Variants in PHF21B observed in about 807,000 individuals in gnomAD.
The protein encoded by PHF21B is PHD finger protein 4.
In PHF21B, 22 loss-of-function variants were observed where a neutral mutation model predicts 62.2. The observed-to-expected ratio is 0.35, with a 90% CI of 0.25 to 0.51. The LOEUF (loss-of-function observed/expected upper bound fraction) is 0.51. PHF21B is among the 20% of genes least tolerant of loss of function. The probability of loss-of-function intolerance (pLI) is 0.97; values close to 1 mark genes in which losing one functional copy is unlikely to be tolerated. For missense variants in PHF21B, 701 were observed against 707.9 expected, an observed-to-expected ratio of 0.99 and a Z score of 0.11; for synonymous variants, 341 against 314.7, an observed-to-expected ratio of 1.08 and a Z score of -0.88.
At chr22:44,888,441 G>A (rs1267982503) in intron 9 of PHF21B, among the ~76,000 whole-genome samples, 3 of 152,104 alleles carry the variant, frequency 2.0e-5, no homozygotes, top group East Asian at 1.9e-4. Flanking sequence ...AGGTGCGGGC[G>A]ACAAGGCAGG....
intron 6 of PHF21B, among the ~76,000 whole-genome samples, chr22:44,894,231 A>T (rs1326571191): frequency 1.3e-5 from 2 of 152,252 alleles, no homozygotes; most frequent in African/African-American, 2.4e-5. Context: ...AAAGAAAGAA[A>T]GAATTAAGGA....
At chr22:44,959,458 C>T (rs2072373238) in intron 2 of PHF21B, among the ~76,000 whole-genome samples, 1 of 152,192 alleles carries the variant, frequency 6.6e-6, no homozygotes, top group African/African-American at 2.4e-5. Context: ...ACAGTAGACA[C>T]CAGTTCTAGC....
chr22:44,950,890 GCCGGTGGACTTAC>G lies in PHF21B; in HGVS notation c.121-30413_121-30401del, dbSNP rs139205506. On this transcript the variant is annotated intron_variant, in intron 2 of 12. Coordinates refer to ENST00000313237, the MANE Select transcript of PHF21B (RefSeq NM_138415.5). ...TTCTTACTCATTCTGGCTAGGGTTA[GCCGGTGGACTTAC>G]CCAAACTGTGACTGAGACACGTGCT... 0.017 allele frequency among the ~76,000 whole-genome samples: 2,553 copies of G among 152,188 alleles called. 366 individuals are homozygous for G. In the East Asian group the frequency reaches 0.35, roughly 21 times the overall value.
chr22:44,915,020 G>T (rs2071409184), intron 4 of PHF21B, among the ~76,000 whole-genome samples: 2 of 152,034 alleles, frequency 1.3e-5, no homozygotes, highest in East Asian at 1.9e-4. Flanking sequence ...GTGTTTTTTT[G>T]GTTTGTTTTT....
At chr22:44,999,538 G>GAAA (rs2073176124) in intron 2 of PHF21B, among the ~76,000 whole-genome samples, 1 of 152,278 alleles carries the variant, frequency 6.6e-6, no homozygotes, top group South Asian at 2.1e-4. Context: ...CGGAGCAAAA[G>GAAA]TACTGCTCGC....
chr22:44,895,986 C>T (rs369683994), intron 6 of PHF21B, 46 bp downstream of exon 6: 23 of 1,608,896 alleles, frequency 1.4e-5, no homozygotes, highest in East Asian at 1.3e-4. Flanking sequence ...CCCCGGCTTT[C>T]GGGTCAGTCC....
At chr22:44,891,038 C>A (rs976629488) in intron 8 of PHF21B, among the ~76,000 whole-genome samples, 1 of 152,336 alleles carries the variant, frequency 6.6e-6, no homozygotes, top group East Asian at 1.9e-4. Flanking sequence ...GGCTGGGTCA[C>A]ACCTGCAGAG....
chr22:44,975,349 G>C (rs1305645399), intron 2 of PHF21B, among the ~76,000 whole-genome samples: 4 of 152,142 alleles, frequency 2.6e-5, no homozygotes, highest in Admixed American at 1.3e-4. Context: ...TCCGGAGCAG[G>C]AAGCGCCTTT....
At chr22:44,916,777 T>A in intron 3 of PHF21B, 147 bp from the exon 4 acceptor site, 1 of 778,270 alleles carries the variant, frequency 1.3e-6, no homozygotes, top group Non-Finnish European at 2.1e-6. Flanking sequence ...TCACAGCAGG[T>A]GAGACCTCGA....
At chr22:44,918,272 G>A (rs1029902178) in intron 3 of PHF21B, among the ~76,000 whole-genome samples, 1 of 152,242 alleles carries the variant, frequency 6.6e-6, no homozygotes, top group South Asian at 2.1e-4. Context: ...TGGCCGTTCC[G>A]TGTTCTGGTC....
intron 2 of PHF21B, chr22:44,971,314 G>A (rs980462339): frequency 3.3e-5 from 5 of 152,094 alleles, no homozygotes; most frequent in Admixed American, 2.0e-4. Flanking sequence ...GGTTTTCTCC[G>A]TCCTCCCTTG....
chr22:44,994,612 G>C (rs983127573), intron 2 of PHF21B, among the ~76,000 whole-genome samples: 1 of 152,220 alleles, frequency 6.6e-6, no homozygotes, highest in South Asian at 2.1e-4. Context: ...TCACACAGCA[G>C]AGAAGAAAGC....
intron 2 of PHF21B, among the ~76,000 whole-genome samples, chr22:44,987,040 C>T (rs2147494677): frequency 6.6e-6 from 1 of 152,336 alleles, no homozygotes; most frequent in Non-Finnish European, 1.5e-5. Flanking sequence ...ACATTAGAAA[C>T]TTCTGCCATT....
chr22:44,956,527 C>A (rs969405444), intron 2 of PHF21B, among the ~76,000 whole-genome samples: 1 of 152,222 alleles, frequency 6.6e-6, no homozygotes, highest in African/African-American at 2.4e-5. Context: ...GGCAATTTAG[C>A]CCTTGTGACA....
At chr22:44,906,172 C>T (rs2071246165) in intron 5 of PHF21B, among the ~76,000 whole-genome samples, 2 of 152,258 alleles carry the variant, frequency 1.3e-5, no homozygotes, top group African/African-American at 4.8e-5. Flanking sequence ...CCATCATTAT[C>T]CTCTCTCTCT....
intron 5 of PHF21B, among the ~76,000 whole-genome samples, chr22:44,906,387 A>C (rs2071250677): frequency 6.6e-6 from 1 of 152,256 alleles, no homozygotes; most frequent in African/African-American, 2.4e-5. Flanking sequence ...GGTCCACTGC[A>C]GTAGCCCCGG....
intron 2 of PHF21B, chr22:45,000,661 G>A (rs932057500): frequency 6.6e-6 from 1 of 152,158 alleles, no homozygotes; most frequent in African/African-American, 2.4e-5. Flanking sequence ...GTATCAAAGC[G>A]GACTCTTTGG....
intron 10 of PHF21B, among the ~76,000 whole-genome samples, chr22:44,887,729 T>C (rs1282343747): frequency 1.5e-5 from 2 of 131,064 alleles, no homozygotes; most frequent in Non-Finnish European, 3.1e-5. Context: ...CACTCCAGCC[T>C]GGGCAACAGA....
intron 2 of PHF21B, among the ~76,000 whole-genome samples, chr22:44,954,604 C>T (rs1454352445): frequency 1.3e-5 from 2 of 152,244 alleles, no homozygotes; most frequent in Non-Finnish European, 2.9e-5. Context: ...TTACCTGCTT[C>T]TCTAAATAAA....
Sources: allele counts gnomAD v4.1 joint callset (sites outside exome capture counted in the v4.1 genomes callset), GRCh38; gene constraint gnomAD v4.1.1; transcripts MANE v1.5; gene names NCBI Gene and HGNC (gene_info 2026-07-23, HGNC 2026-07-21).